Variants in RALGAPA1 observed in about 807,000 individuals in gnomAD.
RALGAPA1 encodes the protein ral GTPase-activating protein subunit alpha-1.
In RALGAPA1, 52 loss-of-function variants were observed where a neutral mutation model predicts 269.6. The ratio of observed to expected loss-of-function variants is 0.19; its 90% confidence interval spans 0.15 to 0.24. The LOEUF is 0.24. Among genes scored for constraint, RALGAPA1 ranks in the 10% least tolerant of loss-of-function variants. RALGAPA1 has a pLI of 1.00. For missense variants in RALGAPA1, 1,917 were observed against 3,013.9 expected (o/e 0.64, Z 8.52); for synonymous variants, 817 against 1,008.3 (o/e 0.81, Z 3.60).
intron 16 of RALGAPA1, among the ~76,000 whole-genome samples, chr14:35,701,740 C>A (rs767812223): frequency 2.0e-5 from 3 of 152,082 alleles, no homozygotes; most frequent in Non-Finnish European, 2.9e-5. Context: ...CTCCTGGACT[C>A]AAGCCAATTC....
At position 35,659,214 on chromosome 14, in the gene RALGAPA1, T is replaced by C. The variant is rs1473486729; in HGVS notation, c.5329-18A>G. On this transcript the variant is annotated intron_variant, in intron 27 of 41. Coordinates refer to ENST00000680220, the MANE Select transcript of RALGAPA1 (RefSeq NM_001346249.2). The stretch of plus-strand genomic sequence containing the variant: ...ATAAGTTCCTAAAATAAGGGGGAAA[T>C]AGTTAACGGCAATGACTGAGATTTC... 3.2e-6 allele frequency: 5 copies of C among 1,585,902 alleles called. No homozygotes were observed. The South Asian group carries it at 3.4e-5, about 11-fold the overall frequency.
Position 35,700,259 on chromosome 14 carries a change from G to A in RALGAPA1, c.2310C>T (p.Ala770=). 1 of 1,533,572 alleles carries A rather than the reference G, an allele frequency of 6.5e-7. No homozygotes were observed. Among genetic ancestry groups the A allele is most frequent in the Non-Finnish European group, 8.7e-7 (1 of 1,145,914 alleles). The allele number at this position is 1,533,572 out of a possible 1,614,324, so 95.0% of individuals were successfully genotyped here. A position where few individuals can be genotyped will look rare whatever the true frequency, so the allele number is the denominator to read the frequency against. ...RSIGECALPS[A]YIRSAKSAPV... is the part of the protein sequence containing the mutation. ...GAGCACTTTTAGCACTGCGTATATA[G>A]GCCGATGGCAGAGCACATTCACCAA... Residue 770 remains alanine (A), a synonymous_variant, in exon 17 of 42, where the codon GCC becomes GCT. Coordinates refer to ENST00000680220, the MANE Select transcript of RALGAPA1 (RefSeq NM_001346249.2).
rs2077571522 is a variant in RALGAPA1 at position 35,809,118 on chromosome 14, G to A, written c.-283C>T. On this transcript the variant is annotated 5_prime_UTR_variant, in exon 1 of 42. Coordinates refer to ENST00000680220, the MANE Select transcript of RALGAPA1 (RefSeq NM_001346249.2). ...CGAGGCAGACCCGGGCTGGCCGCCTGCCGCCGCCGCTCGTCTCCAGCGGCC... is the reference window on the plus strand; with the variant it reads ...CGAGGCAGACCCGGGCTGGCCGCCTACCGCCGCCGCTCGTCTCCAGCGGCC... 2 of 325,328 alleles carry A rather than the reference G, an allele frequency of 6.1e-6. No individual in the cohort carries two copies. The highest frequency in any genetic ancestry group is 5.4e-6 in the Non-Finnish European group (1 of 184,974). 20.2% of individuals were successfully genotyped at this position (325,328 alleles called of 1,614,324 possible).
chr14:35,578,634 A>G (rs1424094717), intron 37 of RALGAPA1, among the ~76,000 whole-genome samples: 1 of 152,246 alleles, frequency 6.6e-6, no homozygotes, highest in Admixed American at 6.5e-5. Flanking sequence ...TTCAATAAAT[A>G]CTGGTGACTA....
At chr14:35,679,702 C>A (rs1229464723) in intron 21 of RALGAPA1, among the ~76,000 whole-genome samples, 2 of 152,224 alleles carry the variant, frequency 1.3e-5, no homozygotes, top group Non-Finnish European at 2.9e-5. Context: ...GGACGATCTA[C>A]ATTTATATTA....
At chr14:35,660,369 C>A (rs1001054980) in intron 27 of RALGAPA1, among the ~76,000 whole-genome samples, 1 of 151,958 alleles carries the variant, frequency 6.6e-6, no homozygotes, top group Admixed American at 6.6e-5. Context: ...AGTGAACTAT[C>A]TGAAAAAGAA....
intron 4 of RALGAPA1, chr14:35,766,268 G>T: frequency 1.2e-6 from 1 of 816,656 alleles, no homozygotes; most frequent in Non-Finnish European, 2.2e-6. Context: ...CAATTGTCTT[G>T]GGTGTACTGG....
chr14:35,608,279 A>G (rs8006220), intron 35 of RALGAPA1, among the ~76,000 whole-genome samples: 3 of 152,304 alleles, frequency 2.0e-5, no homozygotes, highest in East Asian at 1.9e-4. Flanking sequence ...AAAAAATCAT[A>G]CTGGTAAGGG....
intron 16 of RALGAPA1, chr14:35,715,926 T>A: frequency 1.0e-6 from 1 of 985,222 alleles, no homozygotes; most frequent in African/African-American, 1.7e-5. Flanking sequence ...GTAAGAAGAG[T>A]CTTAGAGGTT....
chr14:35,690,526 T>G (rs2066388673), intron 17 of RALGAPA1, among the ~76,000 whole-genome samples: 1 of 152,238 alleles, frequency 6.6e-6, no homozygotes, highest in Non-Finnish European at 1.5e-5. Context: ...GTCTCTACCC[T>G]CTTCCTAAAT....
chr14:35,709,151 T>G (rs1049499060), intron 16 of RALGAPA1, among the ~76,000 whole-genome samples: 1 of 152,160 alleles, frequency 6.6e-6, no homozygotes, highest in Non-Finnish European at 1.5e-5. Context: ...TAAGACCTAG[T>G]ATTTGCTAGT....
At chr14:35,749,645 C>T (rs2072484074) in intron 9 of RALGAPA1, among the ~76,000 whole-genome samples, 1 of 152,084 alleles carries the variant, frequency 6.6e-6, no homozygotes. Flanking sequence ...GCAGATAGTT[C>T]TGCTTGAGAA....
chr14:35,750,753 T>C, intron 8 of RALGAPA1, 63 bp from the exon 9 acceptor site: 4 of 1,339,736 alleles, frequency 3.0e-6, no homozygotes, highest in Non-Finnish European at 4.1e-6. Flanking sequence ...AGAAAAAACC[T>C]ACATTTTTAA....
chr14:35,547,346 G>C (rs2054550156), intron 41 of RALGAPA1, among the ~76,000 whole-genome samples: 1 of 152,018 alleles, frequency 6.6e-6, no homozygotes, highest in African/African-American at 2.4e-5. Flanking sequence ...CACAATACCT[G>C]GCCAAATGTG....
At chr14:35,760,292 AGCCTGTGAGCAT>A in intron 6 of RALGAPA1, among the ~76,000 whole-genome samples, 1 of 152,318 alleles carries the variant, frequency 6.6e-6, no homozygotes, top group Middle Eastern at 3.4e-3. Flanking sequence ...GTAAGTGACT[AGCCTGTGAGCAT>A]GCCTTTCATA....
intron 31 of RALGAPA1, among the ~76,000 whole-genome samples, chr14:35,642,403 C>T (rs10132941): frequency 0.12 from 17,707 of 152,038 alleles, 1,120 homozygotes; most frequent in South Asian, 0.13. Flanking sequence ...AGAAAAAATT[C>T]TAACAATTTG....
intron 39 of RALGAPA1, among the ~76,000 whole-genome samples, chr14:35,569,461 A>G (rs2056988988): frequency 6.6e-6 from 1 of 152,234 alleles, no homozygotes; most frequent in South Asian, 2.1e-4. Context: ...TCATAACACC[A>G]TGAGCTAGAT....
intron 41 of RALGAPA1, among the ~76,000 whole-genome samples, chr14:35,545,063 A>G (rs1219321751): frequency 6.6e-6 from 1 of 152,164 alleles, no homozygotes; most frequent in Non-Finnish European, 1.5e-5. Flanking sequence ...ACCATTAAAT[A>G]AACAGATTTA....
intron 30 of RALGAPA1, among the ~76,000 whole-genome samples, chr14:35,653,403 G>A (rs926860179): frequency 3.3e-5 from 5 of 152,126 alleles, no homozygotes; most frequent in African/African-American, 4.8e-5. Flanking sequence ...TGAGGAGATG[G>A]TATTTAAGCC....
Sources: allele counts gnomAD v4.1 joint callset (sites outside exome capture counted in the v4.1 genomes callset), GRCh38; gene constraint gnomAD v4.1.1; transcripts MANE v1.5; gene names NCBI Gene and HGNC (gene_info 2026-07-23, HGNC 2026-07-21).